The following TBC1D22A variants were observed in gnomAD, a reference collection of about 807,000 sequenced individuals.
The protein encoded by TBC1D22A is putative GTPase activator.
In TBC1D22A, 38 loss-of-function variants were observed where a neutral mutation model predicts 60.2. The observed-to-expected ratio is 0.63, with a 90% CI of 0.49 to 0.83. The LOEUF is 0.83. Among genes scored for constraint, TBC1D22A ranks in the 40% least tolerant of loss-of-function variants. TBC1D22A has a pLI of 0.00. For synonymous variants in TBC1D22A, 302 were observed against 281.7 expected (o/e 1.07, Z -0.72); for missense variants, 628 against 701.0 (o/e 0.90, Z 1.18).
intron 11 of TBC1D22A, among the ~76,000 whole-genome samples, chr22:47,087,176 CT>C (rs1489488364): frequency 3.3e-5 from 5 of 152,232 alleles, no homozygotes; most frequent in Non-Finnish European, 4.4e-5. Context: ...TGCACACAAA[CT>C]TTCCTATTTG....
chr22:46,952,481 T>G (rs528112701), intron 8 of TBC1D22A, among the ~76,000 whole-genome samples: 4 of 152,336 alleles, frequency 2.6e-5, no homozygotes, highest in African/African-American at 9.6e-5. Flanking sequence ...GTTATATCTC[T>G]GTACGTTTTT....
chr22:47,090,968 A>G (rs562288166), intron 11 of TBC1D22A, among the ~76,000 whole-genome samples: 23 of 123,724 alleles, frequency 1.9e-4, no homozygotes, highest in Non-Finnish European at 2.9e-4. Context: ...AGGCACGAGA[A>G]GTTGTCTTTG....
intron 12 of TBC1D22A, among the ~76,000 whole-genome samples, chr22:47,112,865 G>A (rs368708725): frequency 5.9e-5 from 9 of 152,316 alleles, no homozygotes; most frequent in East Asian, 1.9e-4. Flanking sequence ...CTGCCCCTCC[G>A]CCCGGCTGAT....
rs1250114918 is a variant in TBC1D22A, at chr22:47,175,539, G to C, written c.*1913G>C. On this transcript the variant is annotated 3_prime_UTR_variant, in exon 13 of 13. Coordinates refer to ENST00000337137, the MANE Select transcript of TBC1D22A (RefSeq NM_014346.5). The stretch of plus-strand genomic sequence containing the variant: ...TAAACAGGAAGCTCCACGGAGTTCA[G>C]CCCTGTGTGCATTTCCTCATGTATG... 6.6e-6 allele frequency: 1 copy of C among 152,194 alleles called. No individual in the cohort carries two copies. The highest frequency in any genetic ancestry group is 1.5e-5 in the Non-Finnish European group (1 of 68,070). 9.4% of individuals were successfully genotyped at this position (152,194 alleles called of 1,614,324 possible). A position where few individuals can be genotyped will look rare whatever the true frequency, so the allele number is the denominator to read the frequency against.
intron 12 of TBC1D22A, among the ~76,000 whole-genome samples, chr22:47,146,558 C>G (rs2067293887): frequency 6.6e-6 from 1 of 152,266 alleles, no homozygotes; most frequent in South Asian, 2.1e-4. Flanking sequence ...CCACCCCAGG[C>G]AGCCGGCACC....
chr22:47,134,164 C>T (rs1160762910), intron 12 of TBC1D22A, among the ~76,000 whole-genome samples: 1 of 152,242 alleles, frequency 6.6e-6, no homozygotes, highest in African/African-American at 2.4e-5. Flanking sequence ...GTTACACCCC[C>T]ATTCAAATCA....
intron 8 of TBC1D22A, among the ~76,000 whole-genome samples, chr22:46,942,644 C>T (rs1243287466): frequency 2.0e-5 from 3 of 152,138 alleles, no homozygotes; most frequent in South Asian, 2.1e-4. Flanking sequence ...GATGTGCGCT[C>T]GGCCACCAGT....
chr22:47,003,402 CAT>C (rs1446013241), intron 10 of TBC1D22A, among the ~76,000 whole-genome samples: 16 of 151,530 alleles, frequency 1.1e-4, no homozygotes, highest in Non-Finnish European at 4.4e-5. Flanking sequence ...CCTACACACA[CAT>C]GCCTGTACAC....
intron 4 of TBC1D22A, among the ~76,000 whole-genome samples, chr22:46,810,886 C>T (rs149597141): frequency 1.3e-5 from 2 of 152,296 alleles, no homozygotes; most frequent in East Asian, 3.9e-4. Flanking sequence ...ACACCAAATC[C>T]GTCCTTTTGT....
chr22:46,919,119 A>G (rs1243565472), intron 8 of TBC1D22A, among the ~76,000 whole-genome samples: 1 of 152,200 alleles, frequency 6.6e-6, no homozygotes, highest in Non-Finnish European at 1.5e-5. Context: ...ATCATCCCCA[A>G]AAGAAATCCT....
At chr22:46,972,489 G>A (rs995100046) in intron 8 of TBC1D22A, among the ~76,000 whole-genome samples, 1 of 152,214 alleles carries the variant, frequency 6.6e-6, no homozygotes, top group East Asian at 1.9e-4. Flanking sequence ...GACACGGGCT[G>A]CCGCATGGAT....
intron 8 of TBC1D22A, among the ~76,000 whole-genome samples, chr22:46,917,725 C>T (rs2070469479): frequency 6.6e-6 from 1 of 152,092 alleles, no homozygotes; most frequent in African/African-American, 2.4e-5. Context: ...ACAGTCGCGG[C>T]TGTGGATGTG....
intron 4 of TBC1D22A, among the ~76,000 whole-genome samples, chr22:46,820,145 C>T (rs1312633045): frequency 6.6e-6 from 1 of 151,628 alleles, no homozygotes; most frequent in East Asian, 1.9e-4. Context: ...TTTATTAGTC[C>T]AGCTAGCCAT....
intron 8 of TBC1D22A, among the ~76,000 whole-genome samples, chr22:46,968,544 C>T (rs183628080): frequency 0.013 from 1,972 of 149,658 alleles, 28 homozygotes; most frequent in African/African-American, 0.046. Context: ...GCGTGGCCGG[C>T]GGTCCTGAGT....
intron 12 of TBC1D22A, among the ~76,000 whole-genome samples, chr22:47,132,633 C>T (rs1435572616): frequency 6.6e-6 from 1 of 152,236 alleles, no homozygotes; most frequent in Non-Finnish European, 1.5e-5. Flanking sequence ...CTTTCTTCCT[C>T]TTCCCTGGCC....
At chr22:47,151,319 AACCG>A (rs1426755457) in intron 12 of TBC1D22A, among the ~76,000 whole-genome samples, 4 of 152,204 alleles carry the variant, frequency 2.6e-5, no homozygotes, top group African/African-American at 9.6e-5. Context: ...ACTCACGCAG[AACCG>A]ACCTTTCCAG....
intron 11 of TBC1D22A, among the ~76,000 whole-genome samples, chr22:47,075,978 G>A (rs557486701): frequency 8.4e-4 from 128 of 152,268 alleles, no homozygotes; most frequent in African/African-American, 2.8e-3. Context: ...AAATAAATAA[G>A]TCACTAGGGA....
chr22:46,974,195 T>C lies in TBC1D22A; in HGVS notation c.1016-95T>C, dbSNP rs959946240. The stretch of plus-strand genomic sequence containing the variant: ...ATGAGAGTGGGTGGAGGGAGCTGGA[T>C]GCAGGCTCAGCTCTGTTCCTCCGTG... On this transcript the variant is annotated intron_variant, in intron 8 of 12. Transcript: ENST00000337137. The C allele has an allele frequency of 5.1e-6, 5 of 982,254 alleles. No homozygotes were observed. The Admixed American group carries it at 6.1e-5, about 12-fold the overall frequency. 60.8% of individuals were successfully genotyped at this position (982,254 alleles called of 1,614,324 possible).
chr22:46,943,776 C>A (rs1359504363), intron 8 of TBC1D22A, among the ~76,000 whole-genome samples: 1 of 152,242 alleles, frequency 6.6e-6, no homozygotes, highest in Non-Finnish European at 1.5e-5. Context: ...CCCTTTCTGA[C>A]ATTTCATGTT....
Sources: allele counts gnomAD v4.1 joint callset (sites outside exome capture counted in the v4.1 genomes callset), GRCh38; gene constraint gnomAD v4.1.1; transcripts MANE v1.5; gene names NCBI Gene and HGNC (gene_info 2026-07-23, HGNC 2026-07-21).